Variants in NTMT1 observed in about 807,000 individuals in gnomAD.
NTMT1 encodes N-terminal RCC1 methyltransferase.
NTMT1 carries 8 observed loss-of-function variants against 17.5 expected under a neutral mutation model. The observed-to-expected ratio is 0.46, with a 90% CI of 0.27 to 0.82. The LOEUF (loss-of-function observed/expected upper bound fraction) is 0.82, where lower values mean the gene tolerates loss of function less well. Ranked by LOEUF, NTMT1 falls within the 40% of genes least tolerant of loss-of-function variation. The pLI is 0.15. For synonymous variants in NTMT1, 128 were observed against 126.8 expected (o/e 1.01, Z -0.06); for missense variants, 221 against 303.5 (o/e 0.73, Z 2.02).
At chr9:129,628,438 T>C (rs973181312) in intron 1 of NTMT1, 6 of 152,222 alleles carry the variant, frequency 3.9e-5, no homozygotes, top group African/African-American at 1.4e-4. Context: ...TTTAAAGGAA[T>C]CATGTTACAA....
upstream of NTMT1, among the ~76,000 whole-genome samples, chr9:129,621,840 T>C (rs1830731857): frequency 6.6e-6 from 1 of 152,114 alleles, no homozygotes; most frequent in Admixed American, 6.5e-5. Context: ...CTGGTGGGCT[T>C]CTGGGTGGGG....
chr9:129,610,280 C>T (rs1830082609), intron 1 of NTMT1, among the ~76,000 whole-genome samples: 1 of 134,002 alleles, frequency 7.5e-6, no homozygotes, highest in Non-Finnish European at 1.6e-5. Flanking sequence ...AGGCGGGGGC[C>T]AGGTCTCCCT....
intron 1 of NTMT1, chr9:129,612,339 G>A (rs777289965): frequency 4.3e-5 from 70 of 1,610,730 alleles, no homozygotes; most frequent in Middle Eastern, 1.6e-4. Flanking sequence ...CCTTGGGTTC[G>A]CGAGTGTTCA....
intron 1 of NTMT1, 41 bp downstream of exon 1, chr9:129,626,336 G>A (rs1830893170): frequency 6.6e-6 from 1 of 152,278 alleles, no homozygotes; most frequent in African/African-American, 2.4e-5. Flanking sequence ...GCAGCCGCTG[G>A]GAGAGGGGAG....
In NTMT1 at chr9:129,610,831, C is replaced by T. The variant is rs552166575; in HGVS notation, c.-55+1653C>T. On this transcript the variant is annotated intron_variant, in intron 1 of 3. Transcript: ENST00000372486. The stretch of plus-strand genomic sequence containing the variant: ...GCGCAAGGCCACCTGGAGGAGGGGC[C>T]GTAGAATCAGGCCTGCTGAGACGGG... Among the ~76,000 whole-genome samples the T allele has an allele frequency of 3.9e-5, 6 of 152,150 alleles. No individual in the cohort carries two copies. The South Asian group carries it at 1.0e-3, about 26-fold the overall frequency.
In NTMT1 at chr9:129,633,442, G is replaced by A. The variant is rs146472185; in HGVS notation, c.162+577G>A. The A allele has an allele frequency of 1.3e-3, 218 of 170,602 alleles. 3 individuals are homozygous for A. Among genetic ancestry groups the A allele is most frequent in the African/African-American group, 4.6e-3 (194 of 42,230 alleles). The allele number at this position is 170,602 out of a possible 1,614,324, so 10.6% of individuals were successfully genotyped here. ...TCCATTCTCCCCATTCCTCTCTGCCGTTGTTTACCTGGAGACTCAGGAGAG... is the reference window on the plus strand; with the variant it reads ...TCCATTCTCCCCATTCCTCTCTGCCATTGTTTACCTGGAGACTCAGGAGAG... On this transcript the variant is annotated intron_variant, in intron 2 of 3. Coordinates refer to ENST00000372483, the MANE Select transcript of NTMT1 (RefSeq NM_014064.4).
chr9:129,629,644 G>A (rs1831057380), intron 1 of NTMT1, among the ~76,000 whole-genome samples: 1 of 152,198 alleles, frequency 6.6e-6, no homozygotes, highest in Non-Finnish European at 1.5e-5. Flanking sequence ...TCAGCTTGCG[G>A]GGAGGGTGTT....
intron 1 of NTMT1, among the ~76,000 whole-genome samples, chr9:129,629,049 G>T (rs1298816579): frequency 6.6e-6 from 1 of 152,148 alleles, no homozygotes; most frequent in Non-Finnish European, 1.5e-5. Flanking sequence ...TTGAGACAGG[G>T]TCTCGCTCTG....
intron 1 of NTMT1, among the ~76,000 whole-genome samples, chr9:129,617,922 G>A (rs1233245276): frequency 1.3e-5 from 2 of 152,092 alleles, no homozygotes; most frequent in Non-Finnish European, 1.5e-5. Flanking sequence ...GGGCTCAAGC[G>A]ATCCTCCTGC....
chr9:129,634,914 C>G, intron 3 of NTMT1: 1 of 409,646 alleles, frequency 2.4e-6, no homozygotes, highest in Non-Finnish European at 4.5e-6. Context: ...CCGATCCAAG[C>G]CTGGCAGGGG....
At chr9:129,610,365 C>T (rs1830086517) in intron 1 of NTMT1, among the ~76,000 whole-genome samples, 1 of 147,618 alleles carries the variant, frequency 6.8e-6, no homozygotes, top group South Asian at 2.3e-4. Context: ...GTCGCGGGGG[C>T]GCCGAGACCC....
chr9:129,620,521 G>A lies in NTMT1; in HGVS notation c.-55+11343G>A. On this transcript the variant is annotated intron_variant, in intron 1 of 3. Coordinates refer to the NTMT1 transcript ENST00000372486. This position sits in a 1 kb window ranked among gnomAD's most constrained non-coding sequence, Gnocchi z 5.8. Reference sequence around the variant, plus strand: ...TGCGTCGGAAGTCTCCGTCGCCAGGGAGCCCCTTGGGCGCCAGGTCCTGGG... The same window carrying A: ...TGCGTCGGAAGTCTCCGTCGCCAGGAAGCCCCTTGGGCGCCAGGTCCTGGG... 1 of 1,445,228 alleles carries A rather than the reference G, an allele frequency of 6.9e-7. No individual in the cohort carries two copies. Among genetic ancestry groups the A allele is most frequent in the African/African-American group, 1.5e-5 (1 of 68,730 alleles). The allele number at this position is 1,445,228 out of a possible 1,614,324, so 89.5% of individuals were successfully genotyped here.
chr9:129,620,362 C>T lies in NTMT1; in HGVS notation c.-55+11184C>T, dbSNP rs1049297317. 1.6e-5 allele frequency: 20 copies of T among 1,228,046 alleles called. No individual in the cohort carries two copies. The Admixed American group carries it at 7.7e-4, about 47-fold the overall frequency. 76.1% of individuals were successfully genotyped at this position (1,228,046 alleles called of 1,614,324 possible). On this transcript the variant is annotated intron_variant, in intron 1 of 3. Transcript: ENST00000372486. The surrounding 1 kb of genome is among the most constrained non-coding windows in gnomAD (Gnocchi z 5.8). ...GGCGCGGCGGGAGGCGTCCGACGCCCACCCCGGGCTTGGCGTCCCCTTCCG... is the reference window on the plus strand; with the variant it reads ...GGCGCGGCGGGAGGCGTCCGACGCCTACCCCGGGCTTGGCGTCCCCTTCCG...
chr9:129,631,742 G>A (rs1035699121), intron 1 of NTMT1, among the ~76,000 whole-genome samples: 6 of 152,158 alleles, frequency 3.9e-5, no homozygotes, highest in South Asian at 2.1e-4. Flanking sequence ...CACCTACTGC[G>A]CTTATTCTTG....
At position 129,614,029 on chromosome 9, in the gene NTMT1, G is replaced by A. The variant is rs1028618377; in HGVS notation, c.-55+4851G>A. On this transcript the variant is annotated intron_variant, in intron 1 of 3. Transcript: ENST00000372486. This position sits in a 1 kb window ranked among gnomAD's most constrained non-coding sequence, Gnocchi z 4.4. ...TGGCTGCCCCAGGATGGAAAGGGCTGGGAAGCAGCAGGCTGGCCCCCACGT... is the reference window on the plus strand; with the variant it reads ...TGGCTGCCCCAGGATGGAAAGGGCTAGGAAGCAGCAGGCTGGCCCCCACGT... Among the ~76,000 whole-genome samples, 1 of 152,190 alleles carries A rather than the reference G, an allele frequency of 6.6e-6. No individual in the cohort carries two copies. Among genetic ancestry groups the A allele is most frequent in the Non-Finnish European group, 1.5e-5 (1 of 68,024 alleles).
At chr9:129,632,460 G>A (rs972507907) in intron 1 of NTMT1, among the ~76,000 whole-genome samples, 190 bp from the exon 2 acceptor site, 1 of 152,220 alleles carries the variant, frequency 6.6e-6, no homozygotes, top group Non-Finnish European at 1.5e-5. Flanking sequence ...ACTTGGGGCG[G>A]GTGCTCTGAG....
intron 1 of NTMT1, among the ~76,000 whole-genome samples, chr9:129,609,872 G>A (rs2118838080): frequency 6.6e-6 from 1 of 152,104 alleles, no homozygotes; most frequent in South Asian, 2.1e-4. Flanking sequence ...GACCCCGTGA[G>A]AGGCCGTGTA....
At position 129,620,503 on chromosome 9, in the gene NTMT1, G is replaced by A; in HGVS notation, c.-55+11325G>A. The A allele has an allele frequency of 7.0e-7, 1 of 1,428,900 alleles. No homozygotes were observed. Among genetic ancestry groups the A allele is most frequent in the Non-Finnish European group, 9.2e-7 (1 of 1,088,826 alleles). 88.5% of individuals were successfully genotyped at this position (1,428,900 alleles called of 1,614,324 possible). A position where few individuals can be genotyped will look rare whatever the true frequency, so the allele number is the denominator to read the frequency against. ...GCAGCCGCGGGTCGCTGCTGCGTCG[G>A]AAGTCTCCGTCGCCAGGGAGCCCCT... On this transcript the variant is annotated intron_variant, in intron 1 of 3. Transcript: ENST00000372486. This position sits in a 1 kb window ranked among gnomAD's most constrained non-coding sequence, Gnocchi z 5.8.
intron 1 of NTMT1, among the ~76,000 whole-genome samples, chr9:129,610,226 GGGGGAGGGAGAGGGGA>G (rs1830080420): frequency 4.0e-5 from 2 of 49,538 alleles, no homozygotes; most frequent in African/African-American, 1.2e-4. Context: ...GGAGGGGAAA[GGGGGAGGGAGAGGGGA>G]AAGGGGGGAA....
Sources: allele counts gnomAD v4.1 joint callset (sites outside exome capture counted in the v4.1 genomes callset), GRCh38; gene constraint gnomAD v4.1.1; non-coding constraint Gnocchi (gnomAD v3.1); transcripts MANE v1.5; gene names NCBI Gene and HGNC (gene_info 2026-07-23, HGNC 2026-07-21).